Variants in EBF2 observed in about 807,000 individuals in gnomAD.
EBF2 encodes EBF transcription factor 2.
In EBF2, 21 loss-of-function variants were observed where a neutral mutation model predicts 72.8. The ratio of observed to expected loss-of-function variants is 0.29; its 90% CI spans 0.20 to 0.42. The LOEUF is 0.42. EBF2 is among the 10% of genes least tolerant of loss of function. The pLI, the probability that EBF2 is intolerant of heterozygous loss-of-function variation, is 1.00. For synonymous variants in EBF2, 299 were observed against 274.2 expected, an observed-to-expected ratio of 1.09 and a Z score of -0.89; for missense variants, 637 against 731.2, an observed-to-expected ratio of 0.87 and a Z score of 1.49.
intron 15 of EBF2, among the ~76,000 whole-genome samples, chr8:25,848,611 G>A (rs1391506063): frequency 6.6e-6 from 1 of 152,152 alleles, no homozygotes; most frequent in Non-Finnish European, 1.5e-5. Flanking sequence ...GTAAAATAGA[G>A]AAGATCTGAG....
intron 6 of EBF2, among the ~76,000 whole-genome samples, chr8:26,023,467 C>A (rs1805236287): frequency 6.6e-6 from 1 of 152,188 alleles, no homozygotes; most frequent in African/African-American, 2.4e-5. Flanking sequence ...CCACGTCCAT[C>A]CAGTTGGTCC....
At chr8:25,857,442 C>T (rs1198803713) in intron 14 of EBF2, among the ~76,000 whole-genome samples, 1 of 152,168 alleles carries the variant, frequency 6.6e-6, no homozygotes, top group African/African-American at 2.4e-5. Context: ...AAGGGAACCA[C>T]ACTGGGTAAA....
chr8:25,988,257 G>A (rs1804492606), intron 6 of EBF2, among the ~76,000 whole-genome samples: 1 of 152,168 alleles, frequency 6.6e-6, no homozygotes, highest in Non-Finnish European at 1.5e-5. Context: ...CCAGAGACAA[G>A]CAGACAAGCT....
In EBF2 at chr8:25,850,742, G is replaced by A. The variant is rs371578362; in HGVS notation, c.1548C>T (p.Thr516=). Reference sequence around the variant, plus strand: ...TGGAGGATGTGCTGGAAGACCCAACGGTGGGACTTGATGACATGACTGGAA... The same window carrying A: ...TGGAGGATGTGCTGGAAGACCCAACAGTGGGACTTGATGACATGACTGGAA... ...SPYGIMSSSP[T]VGSSSTSSIL... The change falls in exon 15 of 16, where the codon ACC becomes ACT. Residue 516 remains threonine, a synonymous_variant. Coordinates refer to ENST00000520164, the MANE Select transcript of EBF2 (RefSeq NM_022659.4). 1.6e-5 allele frequency: 25 copies of A among 1,560,322 alleles called. No individual in the cohort carries two copies. Among genetic ancestry groups the A allele is most frequent in the Middle Eastern group, 1.7e-4 (1 of 5,938 alleles).
chr8:26,014,340 T>A (rs1025328580), intron 6 of EBF2, among the ~76,000 whole-genome samples: 2 of 152,178 alleles, frequency 1.3e-5, no homozygotes, highest in African/African-American at 4.8e-5. Context: ...ACAAAGCTTC[T>A]GCCCTCTGAC....
intron 6 of EBF2, among the ~76,000 whole-genome samples, chr8:25,958,756 C>T (rs900287629): frequency 2.6e-5 from 4 of 152,194 alleles, no homozygotes; most frequent in African/African-American, 7.2e-5. Context: ...AGTAGAACGG[C>T]GGCTTTCCCT....
At chr8:25,913,417 G>A (rs1211612280) in intron 6 of EBF2, among the ~76,000 whole-genome samples, 1 of 152,114 alleles carries the variant, frequency 6.6e-6, no homozygotes, top group African/African-American at 2.4e-5. Context: ...CTCCAACCTG[G>A]TGACAAAGTG....
intron 10 of EBF2, among the ~76,000 whole-genome samples, chr8:25,865,100 C>A (rs1242479247): frequency 6.6e-6 from 1 of 152,078 alleles, no homozygotes; most frequent in African/African-American, 2.4e-5. Flanking sequence ...CGCACCCGGC[C>A]TTCTCAATTA....
At chr8:26,025,845 A>C (rs1805295523) in intron 6 of EBF2, among the ~76,000 whole-genome samples, 1 of 152,098 alleles carries the variant, frequency 6.6e-6, no homozygotes, top group African/African-American at 2.4e-5. Flanking sequence ...GAGAAAATCT[A>C]AACCCTCCCT....
At chr8:25,982,274 T>A (rs925557896) in intron 6 of EBF2, among the ~76,000 whole-genome samples, 1 of 152,166 alleles carries the variant, frequency 6.6e-6, no homozygotes, top group African/African-American at 2.4e-5. Context: ...AAATGGGAAG[T>A]GGTGAGAAAA....
chr8:25,980,851 G>T (rs936501468), intron 6 of EBF2, among the ~76,000 whole-genome samples: 2 of 151,692 alleles, frequency 1.3e-5, no homozygotes, highest in South Asian at 2.1e-4. Flanking sequence ...TGGGGGAGGG[G>T]TGTCATTGGG....
chr8:25,971,890 G>A (rs1228115116), intron 6 of EBF2, among the ~76,000 whole-genome samples: 1 of 152,168 alleles, frequency 6.6e-6, no homozygotes, highest in East Asian at 1.9e-4. Context: ...CAGCTCGAGC[G>A]GCCCCTCCAA....
intron 7 of EBF2, among the ~76,000 whole-genome samples, chr8:25,901,297 C>A (rs935288557): frequency 1.3e-5 from 2 of 151,906 alleles, no homozygotes; most frequent in East Asian, 1.9e-4. Context: ...TGGCACACAC[C>A]CGTAGTCCTA....
rs933531247 is a variant in EBF2 at position 25,984,631 on chromosome 8, G to A, written c.551+48454C>T. ...CGGGAGGCGGAGGTTGCAATGAGCC[G>A]ACAGGGTGCCACTGCACTCCAGCCT... On this transcript the variant is annotated intron_variant, in intron 6 of 15. Coordinates refer to ENST00000520164, the MANE Select transcript of EBF2 (RefSeq NM_022659.4). Among the ~76,000 whole-genome samples, 6 of 151,878 alleles carry A rather than the reference G, an allele frequency of 4.0e-5. No homozygotes were observed. The South Asian group carries it at 8.3e-4, about 21-fold the overall frequency.
intron 10 of EBF2, among the ~76,000 whole-genome samples, chr8:25,873,038 T>A (rs180939399): frequency 6.6e-6 from 1 of 152,358 alleles, no homozygotes; most frequent in East Asian, 1.9e-4. Flanking sequence ...TCTCTCTCCC[T>A]CGTCCTTCCC....
At chr8:25,947,614 C>T (rs970500935) in intron 6 of EBF2, among the ~76,000 whole-genome samples, 1 of 152,168 alleles carries the variant, frequency 6.6e-6, no homozygotes, top group Admixed American at 6.5e-5. Flanking sequence ...TGGTCTGGCC[C>T]CTGCCAGCCT....
chr8:25,993,852 G>A (rs1804582351), intron 6 of EBF2, among the ~76,000 whole-genome samples: 1 of 152,106 alleles, frequency 6.6e-6, no homozygotes, highest in Non-Finnish European at 1.5e-5. Flanking sequence ...TGAAAATCTA[G>A]GTGTACCCAA....
At chr8:25,938,617 T>G (rs1803619096) in intron 6 of EBF2, among the ~76,000 whole-genome samples, 1 of 152,168 alleles carries the variant, frequency 6.6e-6, no homozygotes, top group Admixed American at 6.5e-5. Flanking sequence ...TTCTTCATGC[T>G]TTCATAAGGA....
At chr8:25,965,074 T>C (rs1188636403) in intron 6 of EBF2, among the ~76,000 whole-genome samples, 2 of 152,192 alleles carry the variant, frequency 1.3e-5, no homozygotes, top group Non-Finnish European at 2.9e-5. Flanking sequence ...CACCCATTAT[T>C]TGGTATTAAA....
Sources: allele counts gnomAD v4.1 joint callset (sites outside exome capture counted in the v4.1 genomes callset), GRCh38; gene constraint gnomAD v4.1.1; transcripts MANE v1.5; gene names NCBI Gene and HGNC (gene_info 2026-07-23, HGNC 2026-07-21).